Variants in IBTK observed in about 807,000 individuals in gnomAD.
IBTK encodes inhibitor of Bruton tyrosine kinase, also known as BTK-binding protein.
A neutral mutation model predicts 154.9 loss-of-function variants in IBTK; 83 were observed. The ratio of observed to expected loss-of-function variants is 0.54; its 90% CI spans 0.45 to 0.64. The LOEUF (loss-of-function observed/expected upper bound fraction) is 0.64, where lower values mean the gene tolerates loss of function less well. IBTK is among the 30% of genes least tolerant of loss of function. IBTK has a pLI of 0.00. For synonymous variants in IBTK, 515 were observed against 536.1 expected, an observed-to-expected ratio of 0.96 and a Z score of 0.54; for missense variants, 1,332 against 1,584.6, an observed-to-expected ratio of 0.84 and a Z score of 2.71.
intron 21 of IBTK, among the ~76,000 whole-genome samples, chr6:82,199,681 C>T (rs907260946): frequency 6.6e-6 from 1 of 152,134 alleles, no homozygotes; most frequent in Admixed American, 6.5e-5. Context: ...CATCCAGTCA[C>T]ATCCTGTTTT....
chr6:82,212,990 T>C (rs1443860541), intron 12 of IBTK, among the ~76,000 whole-genome samples, 197 bp from the exon 13 acceptor site: 1 of 152,016 alleles, frequency 6.6e-6, no homozygotes. Context: ...AGATTAAACA[T>C]TACTGACAAA....
chr6:82,186,058 G>A (rs1371343390), intron 25 of IBTK, among the ~76,000 whole-genome samples: 3 of 151,974 alleles, frequency 2.0e-5, no homozygotes, highest in Non-Finnish European at 2.9e-5. Context: ...CTTGATCTTT[G>A]ATGTTACTAT....
intron 26 of IBTK, among the ~76,000 whole-genome samples, chr6:82,179,510 T>C (rs1490456846): frequency 6.6e-6 from 1 of 152,206 alleles, no homozygotes; most frequent in Non-Finnish European, 1.5e-5. Context: ...ACTGAACATA[T>C]GCTCATTAAA....
At chr6:82,212,576 C>A in intron 13 of IBTK, 131 bp downstream of exon 13, 1 of 651,788 alleles carries the variant, frequency 1.5e-6, no homozygotes, top group Non-Finnish European at 2.8e-6. Context: ...TCCAGAAATG[C>A]AGAATACTAG....
rs546630880 is a variant in IBTK at position 82,201,412 on chromosome 6, T to TAA, written c.2790+8_2790+9dup. On this transcript the variant is annotated intron_variant, in intron 19 of 28. Transcript: ENST00000306270. The stretch of plus-strand genomic sequence containing the variant: ...TTATAGCCGCGAAAATCTTAAAACA[T>TAA]AAACCTTACCATTTTCCGGTAAAAC... The TAA allele has an allele frequency of 5.8e-5, 93 of 1,600,954 alleles. No individual in the cohort carries two copies. Among genetic ancestry groups the TAA allele is most frequent in the South Asian group, 2.7e-4 (24 of 89,606 alleles).
intron 4 of IBTK, among the ~76,000 whole-genome samples, chr6:82,230,812 A>G (rs1380564626): frequency 6.6e-6 from 1 of 152,200 alleles, no homozygotes; most frequent in Admixed American, 6.5e-5. Flanking sequence ...TGTCAACAGT[A>G]GCTGTATCTG....
At chr6:82,212,981 G>C (rs1307876140) in intron 12 of IBTK, among the ~76,000 whole-genome samples, 188 bp from the exon 13 acceptor site, 2 of 151,336 alleles carry the variant, frequency 1.3e-5, no homozygotes, top group Non-Finnish European at 2.9e-5. Context: ...ATTCAAAATA[G>C]ATTAAACATT....
At chr6:82,193,156 T>C (rs1254962874) in intron 23 of IBTK, among the ~76,000 whole-genome samples, 3 of 152,194 alleles carry the variant, frequency 2.0e-5, no homozygotes, top group Non-Finnish European at 2.9e-5. Flanking sequence ...CTGTACTTTT[T>C]TTCTTTCATC....
At chr6:82,198,007 G>A (rs1046173830) in intron 21 of IBTK, among the ~76,000 whole-genome samples, 17 of 152,250 alleles carry the variant, frequency 1.1e-4, no homozygotes, top group Non-Finnish European at 1.6e-4. Flanking sequence ...AGTACACCAG[G>A]AAAATACGGA....
At chr6:82,238,668 T>C (rs1770825919) in intron 2 of IBTK, among the ~76,000 whole-genome samples, 1 of 152,118 alleles carries the variant, frequency 6.6e-6, no homozygotes, top group African/African-American at 2.4e-5. Context: ...CTTGAACTCC[T>C]GATCTCAGGT....
intron 22 of IBTK, among the ~76,000 whole-genome samples, chr6:82,195,842 T>G (rs1768964130): frequency 6.6e-6 from 1 of 152,184 alleles, no homozygotes. Context: ...TGTGCTAGAT[T>G]AGGAGAAGAA....
At chr6:82,184,997 AC>A (rs1279482792) in intron 25 of IBTK, among the ~76,000 whole-genome samples, 1 of 151,978 alleles carries the variant, frequency 6.6e-6, no homozygotes, top group African/African-American at 2.4e-5. Context: ...AGCCTGGCCA[AC>A]ATGATGAAAC....
chr6:82,183,042 T>A (rs1768376079), intron 25 of IBTK, among the ~76,000 whole-genome samples: 1 of 152,178 alleles, frequency 6.6e-6, no homozygotes, highest in Non-Finnish European at 1.5e-5. Context: ...TTTTAAGCTG[T>A]TGTTCAAGTA....
In IBTK at chr6:82,192,010, C is replaced by T. The variant is rs1437734309; in HGVS notation, c.3339-131G>A. The T allele has an allele frequency of 1.1e-5, 6 of 566,870 alleles. No homozygotes were observed. The East Asian group carries it at 1.5e-4, about 14-fold the overall frequency. 35.1% of individuals were successfully genotyped at this position (566,870 alleles called of 1,614,324 possible). Reference sequence around the variant, plus strand: ...ATAATTTAGATTTATCAGCTGTGAGCCAGTTTCATAAAGGATATTTTGAAT... The same window carrying T: ...ATAATTTAGATTTATCAGCTGTGAGTCAGTTTCATAAAGGATATTTTGAAT... On this transcript the variant is annotated intron_variant, in intron 23 of 28. Transcript: ENST00000306270.
chr6:82,181,845 A>G, intron 26 of IBTK, 34 bp downstream of exon 26: 1 of 1,426,472 alleles, frequency 7.0e-7, no homozygotes, highest in East Asian at 2.4e-5. Context: ...ATTTTAAGGT[A>G]GAAAATGTAT....
chr6:82,185,857 G>A (rs1218771688), intron 25 of IBTK, among the ~76,000 whole-genome samples: 1 of 152,122 alleles, frequency 6.6e-6, no homozygotes, highest in Non-Finnish European at 1.5e-5. Context: ...ATACTGAAGT[G>A]CTTTGCTTTG....
chr6:82,206,550 C>A (rs1769421545), intron 16 of IBTK, among the ~76,000 whole-genome samples: 1 of 152,032 alleles, frequency 6.6e-6, no homozygotes. Flanking sequence ...TACAATTCTC[C>A]ACAAACTCTT....
intron 1 of IBTK, among the ~76,000 whole-genome samples, 171 bp from the exon 2 acceptor site, chr6:82,241,014 G>C (rs1182576562): frequency 6.6e-6 from 1 of 152,038 alleles, no homozygotes. Context: ...TAATGCTCAA[G>C]GTCATCGCCA....
At chr6:82,239,321 T>A (rs1320771986) in intron 2 of IBTK, among the ~76,000 whole-genome samples, 1 of 151,826 alleles carries the variant, frequency 6.6e-6, no homozygotes, top group Non-Finnish European at 1.5e-5. Flanking sequence ...TGGGTGCCTG[T>A]AGTCCCAGCT....
Sources: gnomAD v4.1 joint callset for allele counts (sites outside exome capture counted in the v4.1 genomes callset) on GRCh38, gnomAD v4.1.1 for gene constraint, MANE v1.5 for transcripts, NCBI Gene and HGNC (gene_info 2026-07-23, HGNC 2026-07-21) for gene names.